ZNF827: variants seen among roughly 807,000 people sequenced by gnomAD.
ZNF827 encodes the protein zinc finger protein 827.
Under a neutral mutation model 102.4 loss-of-function variants are expected in ZNF827, and 13 were observed. The ratio of observed to expected loss-of-function variants is 0.13; its 90% confidence interval spans 0.08 to 0.20. The LOEUF (loss-of-function observed/expected upper bound fraction) is 0.20. Ranked by LOEUF, ZNF827 falls within the 10% of genes least tolerant of loss-of-function variation. The pLI is 1.00. For synonymous variants in ZNF827, 523 were observed against 536.2 expected (o/e 0.98, Z 0.34); for missense variants, 1,103 against 1,344.4 (o/e 0.82, Z 2.81).
At chr4:145,881,953 A>G (rs1366985320) in intron 4 of ZNF827, among the ~76,000 whole-genome samples, 17 of 152,214 alleles carry the variant, frequency 1.1e-4, no homozygotes, top group Non-Finnish European at 1.5e-5. Context: ...TGCACATTAA[A>G]ATCATTTGAG....
intron 5 of ZNF827, among the ~76,000 whole-genome samples, chr4:145,860,913 G>A (rs553372380): frequency 6.6e-6 from 1 of 152,252 alleles, no homozygotes; most frequent in South Asian, 2.1e-4. Context: ...GGGCTAATAT[G>A]GACACTCCCC....
intron 8 of ZNF827, among the ~76,000 whole-genome samples, chr4:145,811,543 G>T (rs182612720): frequency 1.0e-3 from 157 of 152,342 alleles, no homozygotes; most frequent in Admixed American, 1.7e-3. Context: ...CTTGACAGCT[G>T]TAGAATGTTG....
chr4:145,862,567 G>A (rs1747834691), intron 5 of ZNF827, among the ~76,000 whole-genome samples: 1 of 152,094 alleles, frequency 6.6e-6, no homozygotes, highest in South Asian at 2.1e-4. Flanking sequence ...ATGGCAATGA[G>A]GAAAGTGATC....
chr4:145,841,956 A>G (rs1425043116), intron 7 of ZNF827, among the ~76,000 whole-genome samples: 1 of 152,160 alleles, frequency 6.6e-6, no homozygotes, highest in Non-Finnish European at 1.5e-5. Flanking sequence ...GCATTCTCAA[A>G]CCAGTTCTTA....
intron 4 of ZNF827, among the ~76,000 whole-genome samples, chr4:145,873,678 C>T (rs180821164): frequency 6.6e-6 from 1 of 152,308 alleles, no homozygotes; most frequent in African/African-American, 2.4e-5. Flanking sequence ...ATATGTACTT[C>T]CAACGTCTAC....
intron 1 of ZNF827, among the ~76,000 whole-genome samples, chr4:145,919,970 T>A (rs150448183): frequency 1.7e-3 from 257 of 152,360 alleles, no homozygotes; most frequent in African/African-American, 5.6e-3. Flanking sequence ...CTTATCCTGC[T>A]ATACACTAGG....
chr4:145,820,635 A>C (rs957742262), intron 8 of ZNF827, among the ~76,000 whole-genome samples: 1 of 152,172 alleles, frequency 6.6e-6, no homozygotes, highest in African/African-American at 2.4e-5. Flanking sequence ...TAGCAAAGCT[A>C]ACCAGTCTCC....
intron 1 of ZNF827, among the ~76,000 whole-genome samples, chr4:145,938,123 G>A (rs1053018881): frequency 2.2e-5 from 3 of 135,808 alleles, no homozygotes; most frequent in Admixed American, 1.5e-4. Context: ...AGGAAAAAAA[G>A]GGGGGGGGTG....
intron 1 of ZNF827, among the ~76,000 whole-genome samples, chr4:145,928,420 G>T (rs950587457): frequency 1.3e-5 from 2 of 152,164 alleles, no homozygotes; most frequent in East Asian, 3.9e-4. Context: ...GAAACTGACG[G>T]ACAGCAATAG....
At chr4:145,768,047 C>T (rs1183203096) in intron 11 of ZNF827, among the ~76,000 whole-genome samples, 1 of 152,112 alleles carries the variant, frequency 6.6e-6, no homozygotes, top group Non-Finnish European at 1.5e-5. Context: ...TATAAGTAAA[C>T]ATATGACAAT....
intron 7 of ZNF827, among the ~76,000 whole-genome samples, chr4:145,835,890 G>A (rs932965414): frequency 2.0e-5 from 3 of 150,982 alleles, no homozygotes; most frequent in Non-Finnish European, 3.0e-5. Flanking sequence ...CAGGATCTGC[G>A]CCTTATCAAC....
rs1430916925 is a variant in ZNF827, at chr4:145,758,184, CAGAA to C, written c.*3428_*3431del. On this transcript the variant is annotated 3_prime_UTR_variant, in exon 15 of 15. Coordinates refer to ENST00000508784, the MANE Select transcript of ZNF827 (RefSeq NM_001306215.2). ...CACTCAGAAAACTTTTATAATTTACCAGAAAGATTGATGACTCTTTCCAAAGTGC... is the reference window on the plus strand; with the variant it reads ...CACTCAGAAAACTTTTATAATTTACCAGATTGATGACTCTTTCCAAAGTGC... 6.6e-6 allele frequency: 1 copy of C among 152,020 alleles called. No individual in the cohort carries two copies. The highest frequency in any genetic ancestry group is 1.5e-5 in the Non-Finnish European group (1 of 68,002). The allele number at this position is 152,020 out of a possible 1,614,324, so 9.4% of individuals were successfully genotyped here.
chr4:145,836,708 A>G lies in ZNF827; in HGVS notation c.2279+9248T>C, dbSNP rs1267860025. Among the ~76,000 whole-genome samples the G allele has an allele frequency of 1.9e-4, 29 of 151,076 alleles. 1 individual carries two copies. Among genetic ancestry groups the G allele is most frequent in the Admixed American group, 1.8e-3 (27 of 15,176 alleles). ...CAAATTTCCTTCTTTCCTGTTCCTC[A>G]CCCTGATCACGCTTGATTTATTGAT... On this transcript the variant is annotated intron_variant, in intron 7 of 14. Coordinates refer to ENST00000508784, the MANE Select transcript of ZNF827 (RefSeq NM_001306215.2).
intron 5 of ZNF827, among the ~76,000 whole-genome samples, chr4:145,856,557 G>A (rs1360953526): frequency 6.6e-6 from 1 of 151,998 alleles, no homozygotes; most frequent in African/African-American, 2.4e-5. Context: ...GAAAAAGAGG[G>A]GACTCTTTCT....
intron 7 of ZNF827, among the ~76,000 whole-genome samples, chr4:145,824,005 A>C (rs7664026): frequency 0.015 from 2,329 of 152,316 alleles, 73 homozygotes; most frequent in African/African-American, 0.053. Flanking sequence ...ACACTGAAGG[A>C]AACATGTCAC....
chr4:145,835,482 C>T (rs1744728749), intron 7 of ZNF827, among the ~76,000 whole-genome samples: 1 of 150,786 alleles, frequency 6.6e-6, no homozygotes, highest in Non-Finnish European at 1.5e-5. Flanking sequence ...TTTTAGTTAT[C>T]CCCACCTGCC....
chr4:145,909,116 C>T (rs1016152261), intron 1 of ZNF827, among the ~76,000 whole-genome samples: 3 of 152,144 alleles, frequency 2.0e-5, no homozygotes, highest in African/African-American at 7.2e-5. Flanking sequence ...TAAAAATATA[C>T]TATTGATTTG....
At chr4:145,805,791 C>T (rs182796670) in intron 8 of ZNF827, among the ~76,000 whole-genome samples, 68 of 152,190 alleles carry the variant, frequency 4.5e-4, no homozygotes, top group East Asian at 4.2e-3. Flanking sequence ...GTCACTTCCG[C>T]GGTCAAGCTC....
intron 3 of ZNF827, among the ~76,000 whole-genome samples, chr4:145,887,315 T>C (rs1750201033): frequency 6.6e-6 from 1 of 152,160 alleles, no homozygotes; most frequent in African/African-American, 2.4e-5. Context: ...CTCGGTAGGT[T>C]TCCTTTCCAA....
Sources: gnomAD v4.1 joint callset for allele counts (sites outside exome capture counted in the v4.1 genomes callset) on GRCh38, gnomAD v4.1.1 for gene constraint, MANE v1.5 for transcripts, NCBI Gene and HGNC (gene_info 2026-07-23, HGNC 2026-07-21) for gene names.